The following ZNF566 variants were observed in gnomAD, a reference collection of about 807,000 sequenced individuals.
ZNF566 encodes zinc finger protein 566.
Under a neutral mutation model 32.8 loss-of-function variants are expected in ZNF566, and 27 were observed. The ratio of observed to expected loss-of-function variants is 0.82; its 90% CI spans 0.61 to 1.14. ZNF566 has a LOEUF of 1.14. Ranked by LOEUF, ZNF566 falls within the 50% of genes most tolerant of loss-of-function variation. The pLI, the probability that ZNF566 is intolerant of heterozygous loss-of-function variation, is 0.00. For synonymous variants in ZNF566, 154 were observed against 159.5 expected, an observed-to-expected ratio of 0.97 and a Z score of 0.26; for missense variants, 402 against 490.4, an observed-to-expected ratio of 0.82 and a Z score of 1.70.
At chr19:36,473,123 A>G in intron 3 of ZNF566, 117 bp from the exon 4 acceptor site, 1 of 1,118,850 alleles carries the variant, frequency 8.9e-7, no homozygotes, top group Non-Finnish European at 1.3e-6. Context: ...AGAGAGGTAC[A>G]ACGGACTTAT....
At chr19:36,473,252 A>C in intron 3 of ZNF566, 80 bp downstream of exon 3, 1 of 1,542,250 alleles carries the variant, frequency 6.5e-7, no homozygotes, top group Non-Finnish European at 8.9e-7. Context: ...TGGTTTTTGA[A>C]AGCCAGGTGA....
chr19:36,473,878 C>T (rs1308726283), intron 2 of ZNF566, among the ~76,000 whole-genome samples: 2 of 152,038 alleles, frequency 1.3e-5, no homozygotes, highest in Non-Finnish European at 2.9e-5. Flanking sequence ...CATTAAAAGC[C>T]ACCAGAGAGA....
chr19:36,484,425 T>C (rs1416144307), intron 1 of ZNF566, among the ~76,000 whole-genome samples: 1 of 152,078 alleles, frequency 6.6e-6, no homozygotes, highest in Non-Finnish European at 1.5e-5. Context: ...CAGCTCTTCC[T>C]TATAGTAGAA....
chr19:36,460,590 T>G (rs2033436787), intron 4 of ZNF566, among the ~76,000 whole-genome samples: 1 of 152,170 alleles, frequency 6.6e-6, no homozygotes, highest in African/African-American at 2.4e-5. Flanking sequence ...ATTTAACATT[T>G]GTGTCATCAG....
chr19:36,479,404 A>C (rs1374982445), intron 1 of ZNF566, among the ~76,000 whole-genome samples: 1 of 152,234 alleles, frequency 6.6e-6, no homozygotes, highest in African/African-American at 2.4e-5. Flanking sequence ...TATAGAGACA[A>C]TATATAAAAA....
chr19:36,462,694 G>A (rs374274018), intron 4 of ZNF566, among the ~76,000 whole-genome samples: 4 of 151,746 alleles, frequency 2.6e-5, no homozygotes, highest in South Asian at 2.1e-4. Context: ...ACATATGTAT[G>A]TGCATATACA....
chr19:36,452,455 T>C (rs551084325), intron 4 of ZNF566, among the ~76,000 whole-genome samples: 5 of 151,500 alleles, frequency 3.3e-5, no homozygotes, highest in East Asian at 1.9e-4. Context: ...TTATCATCTG[T>C]AAATCTGTCA....
intron 4 of ZNF566, among the ~76,000 whole-genome samples, chr19:36,456,910 A>G (rs928915392): frequency 6.6e-6 from 1 of 152,200 alleles, no homozygotes; most frequent in African/African-American, 2.4e-5. Flanking sequence ...ATTCATATGG[A>G]ACCATAAAAG....
rs148028970 is a variant in ZNF566, at chr19:36,469,524, G to C, written c.232+3387C>G. On this transcript the variant is annotated intron_variant, in intron 4 of 4. Coordinates refer to ENST00000452939, the MANE Select transcript of ZNF566 (RefSeq NM_001145344.1). ...CTTTACACTCCAGCCTGGGTAACAA[G>C]AGCGAAACTCCATCTCGAAAACAAA... Among the ~76,000 whole-genome samples the C allele has an allele frequency of 1.8e-4, 28 of 152,194 alleles. No individual in the cohort carries two copies. The East Asian group carries it at 5.2e-3, about 28-fold the overall frequency.
intron 4 of ZNF566, among the ~76,000 whole-genome samples, chr19:36,461,475 T>C (rs2033460033): frequency 6.6e-6 from 1 of 152,090 alleles, no homozygotes; most frequent in African/African-American, 2.4e-5. Flanking sequence ...GTTTGAGACC[T>C]GGCCAACACG....
intron 4 of ZNF566, among the ~76,000 whole-genome samples, chr19:36,459,123 A>G (rs1422587884): frequency 6.6e-6 from 1 of 152,248 alleles, no homozygotes; most frequent in Non-Finnish European, 1.5e-5. Flanking sequence ...GTGATGACAG[A>G]AAATAATAAG....
chr19:36,447,286 G>A lies in ZNF566; in HGVS notation c.*1691C>T, dbSNP rs2033018745. The A allele has an allele frequency of 6.6e-6, 1 of 152,136 alleles. No homozygotes were observed. The highest frequency in any genetic ancestry group is 1.9e-4 in the East Asian group (1 of 5,182). 9.4% of individuals were successfully genotyped at this position (152,136 alleles called of 1,614,324 possible). ...TCCATCTCAGCCTCCCAAAGTGCTG[G>A]GATTACAGGCGTGAGCCAAGATGTG... On this transcript the variant is annotated 3_prime_UTR_variant, in exon 5 of 5. Transcript: ENST00000452939.
Position 36,448,966 on chromosome 19 carries a change from AT to A in ZNF566, c.*10del. The A allele has an allele frequency of 6.4e-7, 1 of 1,556,004 alleles. No individual in the cohort carries two copies. The highest frequency in any genetic ancestry group is 8.7e-7 in the Non-Finnish European group (1 of 1,155,830). On this transcript the variant is annotated 3_prime_UTR_variant, in exon 5 of 5. Coordinates refer to ENST00000452939, the MANE Select transcript of ZNF566 (RefSeq NM_001145344.1). The stretch of plus-strand genomic sequence containing the variant: ...AAAAGCCTCCCTACACATTTCATAT[AT>A]TCTGTTTCATCACCAGTACAAATTT...
intron 4 of ZNF566, among the ~76,000 whole-genome samples, chr19:36,469,527 CGAA>C (rs1568523346): frequency 3.6e-4 from 54 of 151,556 alleles, no homozygotes; most frequent in African/African-American, 1.2e-3. Flanking sequence ...GTAACAAGAG[CGAA>C]ACTCCATCTC....
chr19:36,475,574 C>G (rs1049756204), intron 2 of ZNF566, among the ~76,000 whole-genome samples: 3 of 152,222 alleles, frequency 2.0e-5, no homozygotes, highest in African/African-American at 7.2e-5. Flanking sequence ...CATCAAATCA[C>G]TGTCCAAGCA....
intron 4 of ZNF566, among the ~76,000 whole-genome samples, chr19:36,464,411 C>A (rs921766932): frequency 6.6e-6 from 1 of 152,110 alleles, no homozygotes; most frequent in Non-Finnish European, 1.5e-5. Flanking sequence ...CCTGCCTTAA[C>A]TTCCCAAAGT....
chr19:36,448,688 G>T lies in ZNF566; in HGVS notation c.*289C>A. 1 of 241,028 alleles carries T rather than the reference G, an allele frequency of 4.1e-6. No individual in the cohort carries two copies. Among genetic ancestry groups the T allele is most frequent in the Non-Finnish European group, 7.9e-6 (1 of 126,532 alleles). 14.9% of individuals were successfully genotyped at this position (241,028 alleles called of 1,614,324 possible). A position where few individuals can be genotyped will look rare whatever the true frequency, so the allele number is the denominator to read the frequency against. ...AAATTCTCTGACGTTAAGAAGGTTA[G>T]AAAGGTGTTAAAAGTGCTGTCATTT... On this transcript the variant is annotated 3_prime_UTR_variant, in exon 5 of 5. Transcript: ENST00000452939.
intron 4 of ZNF566, among the ~76,000 whole-genome samples, chr19:36,471,755 C>G (rs1418082739): frequency 1.3e-5 from 2 of 151,160 alleles, no homozygotes; most frequent in African/African-American, 4.9e-5. Flanking sequence ...TCTTTTTTTT[C>G]TTTTTTTGAG....
intron 1 of ZNF566, among the ~76,000 whole-genome samples, chr19:36,486,703 G>T (rs1484362734): frequency 1.4e-5 from 2 of 145,816 alleles, no homozygotes; most frequent in African/African-American, 2.5e-5. Context: ...AAGAAAGAAA[G>T]AAAAGAACAT....
Sources: allele counts gnomAD v4.1 joint callset (sites outside exome capture counted in the v4.1 genomes callset), GRCh38; gene constraint gnomAD v4.1.1; transcripts MANE v1.5; gene names NCBI Gene and HGNC (gene_info 2026-07-23, HGNC 2026-07-21).